Variants in DSCAM observed in about 807,000 individuals in gnomAD.
DSCAM encodes DS cell adhesion molecule.
A neutral mutation model predicts 217.7 loss-of-function variants in DSCAM; 47 were observed. The ratio of observed to expected loss-of-function variants is 0.22; its 90% CI spans 0.17 to 0.28. The LOEUF (loss-of-function observed/expected upper bound fraction) is 0.28, where lower values mean the gene tolerates loss of function less well. DSCAM is among the 10% of genes least tolerant of loss of function. The pLI, the probability that DSCAM is intolerant of heterozygous loss-of-function variation, is 1.00. For missense variants in DSCAM, 2,080 were observed against 2,618.3 expected (o/e 0.79, Z 4.49); for synonymous variants, 1,056 against 1,015.3 (o/e 1.04, Z -0.76).
At chr21:40,030,680 G>A (rs7282705) in intron 32 of DSCAM, among the ~76,000 whole-genome samples, 25,845 of 152,104 alleles carry the variant, frequency 0.17, 2,570 homozygotes, top group Non-Finnish European at 0.22. Context: ...ACGCCCACTC[G>A]ATGTCGACCT....
At chr21:40,331,585 G>A (rs536120673) in intron 8 of DSCAM, among the ~76,000 whole-genome samples, 1 of 152,258 alleles carries the variant, frequency 6.6e-6, no homozygotes, top group Non-Finnish European at 1.5e-5. Context: ...TCCCTGTTGG[G>A]CTACAGTACA....
At chr21:40,288,190 A>G (rs2073850620) in intron 10 of DSCAM, among the ~76,000 whole-genome samples, 1 of 152,226 alleles carries the variant, frequency 6.6e-6, no homozygotes, top group Admixed American at 6.5e-5. Context: ...GGAGGACAAA[A>G]GAAAACCAGA....
At chr21:40,077,799 C>T (rs2089389260) in intron 26 of DSCAM, among the ~76,000 whole-genome samples, 1 of 152,206 alleles carries the variant, frequency 6.6e-6, no homozygotes, top group South Asian at 2.1e-4. Context: ...GCCTGACCAA[C>T]AGGCAGTGAA....
intron 16 of DSCAM, among the ~76,000 whole-genome samples, chr21:40,163,383 A>G (rs939259519): frequency 3.9e-5 from 6 of 152,194 alleles, no homozygotes; most frequent in Admixed American, 3.9e-4. Context: ...ATTAAATTGT[A>G]TTTGCTTACA....
intron 1 of DSCAM, among the ~76,000 whole-genome samples, chr21:40,773,102 C>T (rs1386077089): frequency 6.6e-6 from 1 of 152,226 alleles, no homozygotes; most frequent in Non-Finnish European, 1.5e-5. Context: ...AAACCACATC[C>T]CTGACTTACG....
Position 40,170,070 on chromosome 21 carries a change from C to T in DSCAM, c.2948-2782G>A, listed in dbSNP as rs578243504. 3.3e-5 allele frequency among the ~76,000 whole-genome samples: 5 copies of T among 152,288 alleles called. No individual in the cohort carries two copies. The East Asian group carries it at 7.7e-4, about 23-fold the overall frequency. ...TTTCTGCTCCCAGAAGGCACCTCGC[C>T]GTCCTCTCCACGCTTTCGTTCCGCG... On this transcript the variant is annotated intron_variant, in intron 15 of 32. Transcript: ENST00000400454.
intron 21 of DSCAM, among the ~76,000 whole-genome samples, chr21:40,093,233 A>T (rs1376637873): frequency 1.3e-5 from 2 of 152,202 alleles, no homozygotes; most frequent in Non-Finnish European, 2.9e-5. Flanking sequence ...CACTTTAAGG[A>T]ACTTTTTATT....
intron 6 of DSCAM, among the ~76,000 whole-genome samples, chr21:40,346,160 G>C (rs2074555311): frequency 6.6e-6 from 1 of 152,178 alleles, no homozygotes. Context: ...GACTATGTAA[G>C]GACTAGAGTG....
At chr21:40,457,310 G>A (rs1003350436) in intron 3 of DSCAM, among the ~76,000 whole-genome samples, 1 of 152,084 alleles carries the variant, frequency 6.6e-6, no homozygotes, top group Non-Finnish European at 1.5e-5. Context: ...CTAGGAGTTC[G>A]AGACCAGCCT....
chr21:40,698,009 T>C (rs1352911680), intron 2 of DSCAM, among the ~76,000 whole-genome samples: 2 of 152,210 alleles, frequency 1.3e-5, no homozygotes, highest in Non-Finnish European at 2.9e-5. Flanking sequence ...TTCAATTTCT[T>C]TCATACTTCT....
At chr21:40,571,071 A>C (rs1304221256) in intron 3 of DSCAM, among the ~76,000 whole-genome samples, 2 of 152,142 alleles carry the variant, frequency 1.3e-5, no homozygotes, top group Non-Finnish European at 2.9e-5. Context: ...ACCTAGGTAC[A>C]TCAGAGGTGA....
chr21:40,531,069 T>G (rs897144486), intron 3 of DSCAM, among the ~76,000 whole-genome samples: 4 of 152,160 alleles, frequency 2.6e-5, no homozygotes, highest in African/African-American at 9.7e-5. Flanking sequence ...TTTCCACACC[T>G]CAGGCAGAAT....
chr21:40,617,117 G>GT (rs1209471661), intron 3 of DSCAM, among the ~76,000 whole-genome samples: 1 of 138,550 alleles, frequency 7.2e-6, no homozygotes, highest in African/African-American at 2.8e-5. Flanking sequence ...CACAGAACCA[G>GT]TCTTTTTTTT....
At chr21:40,304,309 G>A (rs758587578) in intron 9 of DSCAM, among the ~76,000 whole-genome samples, 3 of 152,350 alleles carry the variant, frequency 2.0e-5, no homozygotes, top group South Asian at 2.1e-4. Flanking sequence ...GCTTCCTCAC[G>A]TCACTCAGCC....
Position 40,820,391 on chromosome 21 carries a change from G to A in DSCAM, c.43+26228C>T, listed in dbSNP as rs150675352. Reference sequence around the variant, plus strand: ...AACCAAACACTGCATGTTCTCACTCGTAAGTGGAAGTTGAACAATGAGAAC... The same window carrying A: ...AACCAAACACTGCATGTTCTCACTCATAAGTGGAAGTTGAACAATGAGAAC... On this transcript the variant is annotated intron_variant, in intron 1 of 32. Coordinates refer to ENST00000400454, the MANE Select transcript of DSCAM (RefSeq NM_001389.5). Among the ~76,000 whole-genome samples, 678 of 152,178 alleles carry A rather than the reference G, an allele frequency of 4.5e-3. 16 individuals are homozygous for A. Among genetic ancestry groups the A allele is most frequent in the Admixed American group, 0.041 (626 of 15,276 alleles).
rs1882792 is a variant in DSCAM at position 40,183,541 on chromosome 21, G to C, written c.2779+3590C>G. Among the ~76,000 whole-genome samples the C allele has an allele frequency of 3.9e-5, 6 of 152,114 alleles. No homozygotes were observed. The South Asian group carries it at 6.2e-4, about 16-fold the overall frequency. ...GGGGTGTTCAGTGTTTCCTGGAAAA[G>C]AGTAAACCAAGGAAAGTCATCTGTT... On this transcript the variant is annotated intron_variant, in intron 14 of 32. Transcript: ENST00000400454.
rs1569080360 is a variant in DSCAM at position 40,353,597 on chromosome 21, A to C, written c.802T>G (p.Ser268Ala). 6.2e-7 allele frequency: 1 copy of C among 1,610,594 alleles called. No individual in the cohort carries two copies. Among genetic ancestry groups the C allele is most frequent in the Non-Finnish European group, 8.5e-7 (1 of 1,179,236 alleles). ...GTCACGGTCTTCTGGAACCTCCCTGAAAGTTCCAGGGGCATGTTGTCCTTC... is the reference window on the plus strand; with the variant it reads ...GTCACGGTCTTCTGGAACCTCCCTGCAAGTTCCAGGGGCATGTTGTCCTTC... ...WLKDNMPLEL[S>A]GRFQKTVTGL... Residue 268 changes from serine (S) to alanine (A), a missense_variant, in exon 5 of 33, where the codon TCA (serine) becomes GCA (alanine). Ser to Ala is a moderately conservative substitution (Grantham distance 99). Transcript: ENST00000400454.
chr21:40,583,050 ATGAC>A (rs540516738), intron 3 of DSCAM, among the ~76,000 whole-genome samples: 34 of 152,358 alleles, frequency 2.2e-4, no homozygotes, highest in African/African-American at 7.5e-4. Flanking sequence ...TAGATCAAGG[ATGAC>A]TGACTATGAA....
intron 9 of DSCAM, among the ~76,000 whole-genome samples, chr21:40,304,552 G>C (rs1228151742): frequency 6.6e-6 from 1 of 152,194 alleles, no homozygotes; most frequent in South Asian, 2.1e-4. Context: ...CCCAGCTTCC[G>C]GCCTCTCTTG....
Sources: allele counts gnomAD v4.1 joint callset (sites outside exome capture counted in the v4.1 genomes callset), GRCh38; gene constraint gnomAD v4.1.1; transcripts MANE v1.5; gene names NCBI Gene and HGNC (gene_info 2026-07-23, HGNC 2026-07-21).